TIAM2: variants seen among roughly 807,000 people sequenced by gnomAD.
TIAM2 encodes the protein TIAM Rac1 associated GEF 2.
A neutral mutation model predicts 152.9 loss-of-function variants in TIAM2; 80 were observed. The ratio of observed to expected loss-of-function variants is 0.52; its 90% CI spans 0.44 to 0.63. TIAM2 has a LOEUF of 0.63. Ranked by LOEUF, TIAM2 falls within the 30% of genes least tolerant of loss-of-function variation. TIAM2 has a pLI of 0.00. For synonymous variants in TIAM2, 804 were observed against 838.0 expected, an observed-to-expected ratio of 0.96 and a Z score of 0.70; for missense variants, 1,965 against 2,120.1, an observed-to-expected ratio of 0.93 and a Z score of 1.44.
At chr6:155,063,372 A>G (rs1012364904) in intron 1 of TIAM2, among the ~76,000 whole-genome samples, 5 of 152,002 alleles carry the variant, frequency 3.3e-5, no homozygotes, top group African/African-American at 9.7e-5. Flanking sequence ...GATGGAGAGT[A>G]CATGTTGTGC....
chr6:155,045,509 C>A (rs1777155331), intron 1 of TIAM2, among the ~76,000 whole-genome samples: 1 of 151,780 alleles, frequency 6.6e-6, no homozygotes, highest in Admixed American at 6.6e-5. Context: ...TCTGTTTGTT[C>A]ATTATGGCCA....
At position 155,252,940 on chromosome 6, in the gene TIAM2, T is replaced by C. The variant is rs1312350541; in HGVS notation, c.4120-8T>C. The C allele has an allele frequency of 3.1e-6, 5 of 1,613,588 alleles. No homozygotes were observed. Among genetic ancestry groups the C allele is most frequent in the African/African-American group, 1.3e-5 (1 of 75,052 alleles). On this transcript the variant is annotated splice_region_variant and splice_polypyrimidine_tract_variant and intron_variant, in intron 23 of 26. Coordinates refer to ENST00000682666, the MANE Select transcript of TIAM2 (RefSeq NM_012454.4). ...TAACACTTTTCTTGGTGGGCCTTCA[T>C]GTTACAGCCCTCGAATTCCCGGCCT...
intron 1 of TIAM2, among the ~76,000 whole-genome samples, chr6:155,070,888 T>C (rs1777822526): frequency 6.6e-6 from 1 of 152,156 alleles, no homozygotes; most frequent in African/African-American, 2.4e-5. Context: ...AAATATTTTT[T>C]AGGGGAGGCA....
chr6:155,157,539 G>GC (rs778202382), intron 7 of TIAM2, among the ~76,000 whole-genome samples: 2 of 151,830 alleles, frequency 1.3e-5, no homozygotes, highest in African/African-American at 2.4e-5. Context: ...ACTCCTGGGT[G>GC]CAAGCGATCC....
intron 2 of TIAM2, among the ~76,000 whole-genome samples, chr6:155,107,434 C>T (rs1162855625): frequency 2.6e-5 from 4 of 152,108 alleles, no homozygotes; most frequent in Non-Finnish European, 4.4e-5. Context: ...AAAATTTGTA[C>T]GTATTGTATG....
At chr6:155,121,869 G>C (rs1244489305) in intron 2 of TIAM2, 1 of 152,386 alleles carries the variant, frequency 6.6e-6, no homozygotes, top group Non-Finnish European at 1.5e-5. Context: ...CGCCCTCCTC[G>C]CAGGCCTCTG....
chr6:155,194,562 A>G (rs1294189987), intron 14 of TIAM2, among the ~76,000 whole-genome samples: 1 of 152,110 alleles, frequency 6.6e-6, no homozygotes, highest in Non-Finnish European at 1.5e-5. Flanking sequence ...AGGTAGGAGG[A>G]GATACTCTGT....
At chr6:155,219,956 G>A (rs1261832469) in intron 15 of TIAM2, among the ~76,000 whole-genome samples, 1 of 152,246 alleles carries the variant, frequency 6.6e-6, no homozygotes, top group Non-Finnish European at 1.5e-5. Context: ...CTTTGGCAAT[G>A]GAGAGCTTGT....
chr6:155,237,873 C>T (rs1782850324), intron 15 of TIAM2, among the ~76,000 whole-genome samples: 2 of 152,366 alleles, frequency 1.3e-5, no homozygotes, highest in South Asian at 4.1e-4. Flanking sequence ...GAAGGGCTGC[C>T]AAGACCTCTG....
At chr6:155,038,953 CTTT>C (rs33971396) in intron 1 of TIAM2, among the ~76,000 whole-genome samples, 15,382 of 64,530 alleles carry the variant, frequency 0.24, 1,359 homozygotes, top group Middle Eastern at 0.36. Context: ...TGAGCATGTC[CTTT>C]TTTTTTTTTT....
At chr6:155,093,599 G>A (rs771467448) in intron 2 of TIAM2, among the ~76,000 whole-genome samples, 1 of 152,350 alleles carries the variant, frequency 6.6e-6, no homozygotes, top group Admixed American at 6.5e-5. Context: ...TGGGTTTCAC[G>A]TGAGGAAGAC....
intron 1 of TIAM2, among the ~76,000 whole-genome samples, chr6:155,050,544 A>C (rs1777293898): frequency 6.6e-6 from 1 of 152,232 alleles, no homozygotes; most frequent in African/African-American, 2.4e-5. Context: ...ACATGCTCTC[A>C]GGAGCCTGAG....
At chr6:155,253,228 T>TA in intron 24 of TIAM2, 175 bp downstream of exon 24, 1 of 540,190 alleles carries the variant, frequency 1.9e-6, no homozygotes. Flanking sequence ...TGGGAGAAAC[T>TA]AAATGCTGGT....
At chr6:155,086,946 C>G (rs1778183487) in intron 1 of TIAM2, among the ~76,000 whole-genome samples, 1 of 152,038 alleles carries the variant, frequency 6.6e-6, no homozygotes, top group Non-Finnish European at 1.5e-5. Context: ...CAAAGCAGTT[C>G]TAGTAAAGGG....
intron 14 of TIAM2, among the ~76,000 whole-genome samples, chr6:155,193,127 A>G (rs1781250263): frequency 6.6e-6 from 1 of 152,190 alleles, no homozygotes. Flanking sequence ...CTTTCAGGCC[A>G]GTCACGGTGG....
chr6:155,094,332 A>G (rs187259084), intron 2 of TIAM2, among the ~76,000 whole-genome samples: 9 of 152,284 alleles, frequency 5.9e-5, no homozygotes, highest in Admixed American at 5.2e-4. Flanking sequence ...TTCTTTTAGT[A>G]GAATTAGGAG....
chr6:155,225,889 CA>C (rs1583262747), intron 15 of TIAM2, among the ~76,000 whole-genome samples: 1 of 152,112 alleles, frequency 6.6e-6, no homozygotes, highest in Non-Finnish European at 1.5e-5. Context: ...AAACACTGAA[CA>C]AAAACCATAA....
intron 15 of TIAM2, 87 bp from the exon 16 acceptor site, chr6:155,240,443 A>G: frequency 7.1e-7 from 1 of 1,414,928 alleles, no homozygotes; most frequent in African/African-American, 1.4e-5. Flanking sequence ...TGCTGAGCAC[A>G]GACGGAGACA....
chr6:155,220,564 C>G (rs1216647092), intron 15 of TIAM2, among the ~76,000 whole-genome samples: 2 of 149,052 alleles, frequency 1.3e-5, no homozygotes, highest in African/African-American at 2.4e-5. Flanking sequence ...AGGGAGGTCA[C>G]CAATTGCCCT....
Sources: allele counts gnomAD v4.1 joint callset (sites outside exome capture counted in the v4.1 genomes callset), GRCh38; gene constraint gnomAD v4.1.1; transcripts MANE v1.5; gene names NCBI Gene and HGNC (gene_info 2026-07-23, HGNC 2026-07-21).